Variants in TNFSF13B observed in about 807,000 individuals in gnomAD.
TNFSF13B encodes the protein TNF superfamily member 13b, also known as tumor necrosis factor ligand superfamily member 13B.
A neutral mutation model predicts 29.1 loss-of-function variants in TNFSF13B; 8 were observed. That is an observed-to-expected ratio of 0.27 (90% confidence interval 0.16 to 0.50). The LOEUF is 0.50. Among genes scored for constraint, TNFSF13B ranks in the 20% least tolerant of loss-of-function variants. The pLI is 0.98. For synonymous variants in TNFSF13B, 125 were observed against 130.8 expected, an observed-to-expected ratio of 0.96 and a Z score of 0.30; for missense variants, 248 against 334.9, an observed-to-expected ratio of 0.74 and a Z score of 2.03.
intron 2 of TNFSF13B, among the ~76,000 whole-genome samples, chr13:108,282,844 G>GA (rs1332345344): frequency 6.6e-6 from 1 of 151,974 alleles, no homozygotes; most frequent in African/African-American, 2.4e-5. Flanking sequence ...TTAGTTAAAA[G>GA]AAAAAACAAT....
rs897654420 is a variant in TNFSF13B at position 108,287,557 on chromosome 13, A to T, written c.481+698A>T. On this transcript the variant is annotated intron_variant, in intron 3 of 5. Transcript: ENST00000375887. The stretch of plus-strand genomic sequence containing the variant: ...TTAAACTACAATAAAATAAAAACCA[A>T]TAATAAATCAAATTCCATTTTTATT... 3.9e-5 allele frequency among the ~76,000 whole-genome samples: 6 copies of T among 152,348 alleles called. No homozygotes were observed. In the East Asian group the frequency reaches 1.2e-3, roughly 29 times the overall value.
chr13:108,270,403 G>A lies in TNFSF13B; in HGVS notation c.403G>A (p.Val135Ile), dbSNP rs757341426. 1 of 1,614,036 alleles carries A rather than the reference G, an allele frequency of 6.2e-7. No homozygotes were observed. The highest frequency in any genetic ancestry group is 8.5e-7 in the Non-Finnish European group (1 of 1,179,920). Residue 135 changes from valine to isoleucine, a missense_variant, in exon 2 of 6, where the codon GTT becomes ATT. Physicochemically the swap from Val to Ile is conservative, Grantham distance 29 (BLOSUM62 3). Transcript: ENST00000375887. ...SSQNSRNKRA[V>I]QGPEETVTQD... ...TCAGAACAGCAGAAATAAGCGTGCC[G>A]TTCAGGGTCCAGAAGAAACAGGTAT...
At chr13:108,272,689 T>G (rs1435820861) in intron 2 of TNFSF13B, among the ~76,000 whole-genome samples, 2 of 152,072 alleles carry the variant, frequency 1.3e-5, no homozygotes, top group African/African-American at 4.8e-5. Context: ...AGACTCTTTT[T>G]TTTAATTGAT....
intron 5 of TNFSF13B, among the ~76,000 whole-genome samples, chr13:108,304,857 A>G (rs1264277254): frequency 6.6e-6 from 1 of 152,192 alleles, no homozygotes; most frequent in East Asian, 1.9e-4. Context: ...AGTTTATAAA[A>G]TTAGAATTCC....
chr13:108,279,548 G>A (rs1483320260), intron 2 of TNFSF13B, among the ~76,000 whole-genome samples: 3 of 152,222 alleles, frequency 2.0e-5, no homozygotes, highest in African/African-American at 7.2e-5. Flanking sequence ...GTTTGGGTGG[G>A]TGACACGCAT....
chr13:108,305,769 C>T (rs1207082014), intron 5 of TNFSF13B, among the ~76,000 whole-genome samples: 1 of 152,122 alleles, frequency 6.6e-6, no homozygotes, highest in Non-Finnish European at 1.5e-5. Flanking sequence ...TCCTTGATCA[C>T]TACTGTGTGT....
chr13:108,295,944 A>G (rs911881009), intron 3 of TNFSF13B, among the ~76,000 whole-genome samples: 8 of 146,462 alleles, frequency 5.5e-5, no homozygotes, highest in Non-Finnish European at 9.1e-5. Flanking sequence ...TGAAAAACAT[A>G]TCTTTTTAAA....
intron 3 of TNFSF13B, among the ~76,000 whole-genome samples, chr13:108,288,053 A>T (rs1223469385): frequency 2.0e-5 from 3 of 152,210 alleles, no homozygotes; most frequent in Non-Finnish European, 4.4e-5. Context: ...GTCCTACTTT[A>T]AAAAATGTTT....
chr13:108,270,028 G>A lies in TNFSF13B; in HGVS notation c.133G>A (p.Gly45Arg). 6.2e-7 allele frequency: 1 copy of A among 1,612,404 alleles called. No homozygotes were observed. The highest frequency in any genetic ancestry group is 8.5e-7 in the Non-Finnish European group (1 of 1,180,010). ...CCCCTCTGTCCGATCCTCCAAAGAC[G>A]GAAAGCTGCTGGCTGCAACCTTGCT... Reference protein sequence around the residue: ...ESPSVRSSKDGKLLAATLLLA... With the variant: ...ESPSVRSSKDRKLLAATLLLA... Residue 45 changes from glycine to arginine, a missense_variant, in exon 1 of 6, where the codon GGA becomes AGA. Coordinates refer to ENST00000375887, the MANE Select transcript of TNFSF13B (RefSeq NM_006573.5).
chr13:108,295,422 A>G (rs1881436602), intron 3 of TNFSF13B, among the ~76,000 whole-genome samples: 1 of 144,862 alleles, frequency 6.9e-6, no homozygotes, highest in South Asian at 2.2e-4. Context: ...CCAACTCCTT[A>G]CCTCAAATGA....
At chr13:108,293,894 T>G (rs73611013) in intron 3 of TNFSF13B, among the ~76,000 whole-genome samples, 5 of 152,172 alleles carry the variant, frequency 3.3e-5, no homozygotes, top group African/African-American at 1.2e-4. Context: ...ATAAGGACAT[T>G]AACCCATCCT....
rs551157295 is a variant in TNFSF13B at position 108,308,462 on chromosome 13, A to G, written c.*1524A>G. On this transcript the variant is annotated 3_prime_UTR_variant, in exon 6 of 6. Transcript: ENST00000375887. ...TGCTAATGTGGATTAACAAATAAAA[A>G]CATTCATTGCCTTTTGCCTCATTGT... The G allele has an allele frequency of 6.6e-6, 1 of 152,230 alleles. No individual in the cohort carries two copies. The highest frequency in any genetic ancestry group is 2.4e-5 in the African/African-American group (1 of 41,568). The allele number at this position is 152,230 out of a possible 1,614,324, so 9.4% of individuals were successfully genotyped here.
At chr13:108,304,235 C>G (rs1311300031) in intron 5 of TNFSF13B, among the ~76,000 whole-genome samples, 3 of 152,122 alleles carry the variant, frequency 2.0e-5, no homozygotes, top group African/African-American at 7.2e-5. Context: ...ACAATGGCTT[C>G]TTTCTAAATA....
Position 108,298,869 on chromosome 13 carries a change from G to A in TNFSF13B, c.482-4384G>A, listed in dbSNP as rs960286227. ...GCCTGTAGTCGCAGCTACTCGGGAG[G>A]CTGAGGCAGGAGAATCACTCGAACC... On this transcript the variant is annotated intron_variant, in intron 3 of 5. Coordinates refer to ENST00000375887, the MANE Select transcript of TNFSF13B (RefSeq NM_006573.5). Among the ~76,000 whole-genome samples, 11 of 145,476 alleles carry A rather than the reference G, an allele frequency of 7.6e-5. 1 individual carries two copies. The highest frequency in any genetic ancestry group is 1.4e-4 in the Non-Finnish European group (9 of 65,590).
At position 108,273,976 on chromosome 13, in the gene TNFSF13B, T is replaced by A. The variant is rs146032021; in HGVS notation, c.424+3552T>A. Among the ~76,000 whole-genome samples, 286 of 152,306 alleles carry A rather than the reference T, an allele frequency of 1.9e-3. 1 individual carries two copies. Among genetic ancestry groups the A allele is most frequent in the African/African-American group, 6.1e-3 (255 of 41,568 alleles). ...CCCTTAGCTTACTCAATGTGAAGAA[T>A]GAAGAACTCTATAATGATCCACTTC... is the stretch of plus-strand genomic sequence containing the variant. On this transcript the variant is annotated intron_variant, in intron 2 of 5. Transcript: ENST00000375887.
intron 3 of TNFSF13B, among the ~76,000 whole-genome samples, chr13:108,296,544 C>A (rs116224977): frequency 6.9e-6 from 1 of 145,088 alleles, no homozygotes. Context: ...TGAGTTTGGG[C>A]TTTTAAAAAA....
chr13:108,279,631 T>C (rs1880875266), intron 2 of TNFSF13B, among the ~76,000 whole-genome samples: 2 of 152,108 alleles, frequency 1.3e-5, no homozygotes, highest in Admixed American at 1.3e-4. Context: ...AGTGAGTGAA[T>C]TGTAAGCATT....
rs758057539 is a variant in TNFSF13B at position 108,270,158 on chromosome 13, C to T, written c.263C>T (p.Ala88Val). 4 of 1,601,926 alleles carry T rather than the reference C, an allele frequency of 2.5e-6. No individual in the cohort carries two copies. The highest frequency in any genetic ancestry group is 3.3e-5 in the Admixed American group (2 of 59,982). The change falls in exon 1 of 6, where the codon GCG becomes GTG. Residue 88 changes from alanine to valine, a missense_variant. Physicochemically the swap from Ala to Val is moderately conservative, Grantham distance 64. Around this residue, in one of 2 missense-constraint regions of TNFSF13B, gnomAD observed 186 missense variants for 196.3 expected, o/e 0.95. Transcript: ENST00000375887. ...CGGGCAGAGCTGCAGGGCCACCACG[C>T]GGAGAAGCTGCCAGCAGGAGCAGGA... is the stretch of plus-strand genomic sequence containing the variant. ...SLRAELQGHH[A>V]EKLPAGAGAP...
rs187170931 is a variant in TNFSF13B at position 108,285,143 on chromosome 13, G to A, written c.425-1660G>A. Among the ~76,000 whole-genome samples the A allele has an allele frequency of 1.1e-3, 168 of 152,254 alleles. 1 individual carries two copies. The highest frequency in any genetic ancestry group is 3.9e-3 in the African/African-American group (163 of 41,546). On this transcript the variant is annotated intron_variant, in intron 2 of 5. Transcript: ENST00000375887. ...AATATCTGAAAATTGACATAAAAAT[G>A]TGTTAGAAAAGCTTTATAGTTATAA...
Sources: gnomAD v4.1 joint callset for allele counts (sites outside exome capture counted in the v4.1 genomes callset) on GRCh38, gnomAD v4.1.1 for gene constraint, gnomAD v4.1.1 regional missense constraint, MANE v1.5 for transcripts, NCBI Gene and HGNC (gene_info 2026-07-23, HGNC 2026-07-21) for gene names.